Variants in GNAQ observed in about 807,000 individuals in gnomAD.
GNAQ encodes guanine nucleotide-binding protein G(q) subunit alpha.
Under a neutral mutation model 43.9 loss-of-function variants are expected in GNAQ, and 8 were observed. The observed-to-expected ratio is 0.18, with a 90% CI of 0.11 to 0.33. GNAQ has a LOEUF of 0.33. Among genes scored for constraint, GNAQ ranks in the 10% least tolerant of loss-of-function variants. The pLI, the probability that GNAQ is intolerant of heterozygous loss-of-function variation, is 1.00. For synonymous variants in GNAQ, 155 were observed against 170.7 expected, an observed-to-expected ratio of 0.91 and a Z score of 0.71; for missense variants, 158 against 450.8, an observed-to-expected ratio of 0.35 and a Z score of 5.88.
chr9:77,792,832 A>G (rs1826596273), intron 5 of GNAQ, among the ~76,000 whole-genome samples: 1 of 152,070 alleles, frequency 6.6e-6, no homozygotes, highest in Non-Finnish European at 1.5e-5. Flanking sequence ...ATTTTACTGG[A>G]TGGCAAATTA....
chr9:77,965,695 C>T (rs183398450), intron 1 of GNAQ, among the ~76,000 whole-genome samples: 38 of 152,170 alleles, frequency 2.5e-4, no homozygotes, highest in Admixed American at 1.9e-3. Flanking sequence ...CTGACTATAC[C>T]AAGTGCTAGC....
intron 5 of GNAQ, among the ~76,000 whole-genome samples, chr9:77,772,387 T>C (rs778672312): frequency 6.6e-6 from 1 of 152,212 alleles, no homozygotes; most frequent in Non-Finnish European, 1.5e-5. Flanking sequence ...TACCTGGCCA[T>C]TGTTTTTCTC....
chr9:77,756,438 G>A (rs141892948), intron 5 of GNAQ, among the ~76,000 whole-genome samples: 1 of 152,192 alleles, frequency 6.6e-6, no homozygotes, highest in African/African-American at 2.4e-5. Flanking sequence ...TTGTCCTCTA[G>A]GAGAATTATA....
chr9:78,021,363 C>T (rs1220746362), intron 1 of GNAQ, among the ~76,000 whole-genome samples: 1 of 152,094 alleles, frequency 6.6e-6, no homozygotes, highest in African/African-American at 2.4e-5. Flanking sequence ...CATGGTCATA[C>T]CAACTGAGAA....
chr9:77,781,331 C>A (rs1340672035), intron 5 of GNAQ, among the ~76,000 whole-genome samples: 1 of 152,028 alleles, frequency 6.6e-6, no homozygotes, highest in Non-Finnish European at 1.5e-5. Context: ...TTTCACAACA[C>A]CATTTATTGA....
chr9:77,949,030 G>A (rs888228572), intron 1 of GNAQ, among the ~76,000 whole-genome samples: 2 of 152,178 alleles, frequency 1.3e-5, no homozygotes, highest in East Asian at 3.9e-4. Flanking sequence ...CGAGGCCTGT[G>A]TTCAATCAAT....
intron 1 of GNAQ, among the ~76,000 whole-genome samples, chr9:77,993,615 T>C (rs1047299890): frequency 1.3e-5 from 2 of 151,748 alleles, no homozygotes; most frequent in Non-Finnish European, 2.9e-5. Context: ...GGCAGGAGAA[T>C]TGCTTAAACC....
chr9:77,746,522 T>C (rs549387704), intron 5 of GNAQ, among the ~76,000 whole-genome samples: 77 of 152,028 alleles, frequency 5.1e-4, no homozygotes, highest in African/African-American at 1.7e-3. Context: ...TGTCAGTGAA[T>C]TAGAAAAGAA....
At chr9:77,723,576 A>G (rs1345010620) in intron 6 of GNAQ, among the ~76,000 whole-genome samples, 1 of 152,254 alleles carries the variant, frequency 6.6e-6, no homozygotes, top group African/African-American at 2.4e-5. Context: ...GAATATCAGA[A>G]TATCAGAAAC....
chr9:77,816,496 T>C (rs550362317), intron 2 of GNAQ, among the ~76,000 whole-genome samples: 12 of 152,226 alleles, frequency 7.9e-5, no homozygotes, highest in African/African-American at 2.9e-4. Context: ...GTTTTAAAAA[T>C]AAGATTGCAA....
At position 77,787,091 on chromosome 9, in the gene GNAQ, G is replaced by A. The variant is rs1413706454; in HGVS notation, c.735+7372C>T. ...AGACACAAAAGAAAATACACTCTTT[G>A]CTATTCTTTATAAAAAAGTTTAAAA... On this transcript the variant is annotated intron_variant, in intron 5 of 6. Transcript: ENST00000286548. 3.3e-5 allele frequency among the ~76,000 whole-genome samples: 5 copies of A among 152,248 alleles called. No individual in the cohort carries two copies. In the East Asian group the frequency reaches 9.6e-4, roughly 29 times the overall value.
At chr9:77,723,660 CATT>C (rs1383052915) in intron 6 of GNAQ, among the ~76,000 whole-genome samples, 1 of 152,142 alleles carries the variant, frequency 6.6e-6, no homozygotes, top group Non-Finnish European at 1.5e-5. Flanking sequence ...ACTGTGAGAA[CATT>C]ATAATAAATA....
At chr9:77,868,750 G>A (rs1415807123) in intron 2 of GNAQ, among the ~76,000 whole-genome samples, 1 of 151,848 alleles carries the variant, frequency 6.6e-6, no homozygotes, top group Non-Finnish European at 1.5e-5. Flanking sequence ...AGCCGAGATC[G>A]GGCCACTGCA....
In GNAQ at chr9:77,857,594, G is replaced by A. The variant is rs950587696; in HGVS notation, c.322-41824C>T. On this transcript the variant is annotated intron_variant, in intron 2 of 6. Coordinates refer to ENST00000286548, the MANE Select transcript of GNAQ (RefSeq NM_002072.5). ...GGAAGGAAGGGTAGAAAAGAGAAGG[G>A]TAGGGAAGGAAAGGAGAGGAAGGTG... 2.0e-5 allele frequency among the ~76,000 whole-genome samples: 3 copies of A among 147,040 alleles called. No individual in the cohort carries two copies. The East Asian group carries it at 6.1e-4, about 30-fold the overall frequency.
intron 5 of GNAQ, among the ~76,000 whole-genome samples, chr9:77,761,919 G>C (rs1587904167): frequency 7.9e-6 from 1 of 125,922 alleles, no homozygotes; most frequent in South Asian, 2.6e-4. Flanking sequence ...CCCCCCGCCC[G>C]GCCAGCCGCC....
At chr9:77,762,822 CAT>C in intron 5 of GNAQ, among the ~76,000 whole-genome samples, 1 of 152,296 alleles carries the variant, frequency 6.6e-6, no homozygotes, top group African/African-American at 2.4e-5. Flanking sequence ...CTCTCTGAAA[CAT>C]GTGCTGTGTC....
chr9:77,805,625 C>A lies in GNAQ; in HGVS notation c.477-7977G>T, dbSNP rs1037737906. On this transcript the variant is annotated intron_variant, in intron 3 of 6. Transcript: ENST00000286548. Reference sequence around the variant, plus strand: ...TTCACCTTGTTGGTCAGGCTGGTCTCGAACTCCTGACCTCGTCATCTGCCA... The same window carrying A: ...TTCACCTTGTTGGTCAGGCTGGTCTAGAACTCCTGACCTCGTCATCTGCCA... Among the ~76,000 whole-genome samples the A allele has an allele frequency of 3.9e-5, 6 of 152,084 alleles. No homozygotes were observed. The East Asian group carries it at 1.2e-3, about 30-fold the overall frequency.
intron 5 of GNAQ, among the ~76,000 whole-genome samples, chr9:77,787,123 A>T (rs1331040415): frequency 1.3e-5 from 2 of 152,346 alleles, no homozygotes; most frequent in African/African-American, 4.8e-5. Context: ...AAAATAACAT[A>T]CTGTCTACGC....
intron 1 of GNAQ, among the ~76,000 whole-genome samples, chr9:78,025,846 G>C (rs1823972914): frequency 6.6e-6 from 1 of 152,112 alleles, no homozygotes; most frequent in Non-Finnish European, 1.5e-5. Flanking sequence ...CTTCCTTAGA[G>C]AATCTTGTTA....
Sources: gnomAD v4.1 joint callset for allele counts (sites outside exome capture counted in the v4.1 genomes callset) on GRCh38, gnomAD v4.1.1 for gene constraint, MANE v1.5 for transcripts, NCBI Gene and HGNC (gene_info 2026-07-23, HGNC 2026-07-21) for gene names.